GOLGA4: variants seen among roughly 807,000 people sequenced by gnomAD.
The protein encoded by GOLGA4 is golgin A4.
In GOLGA4, 169 loss-of-function variants were observed where a neutral mutation model predicts 265.9. The ratio of observed to expected loss-of-function variants is 0.64; its 90% CI spans 0.56 to 0.72. The LOEUF (loss-of-function observed/expected upper bound fraction) is 0.72. Ranked by LOEUF, GOLGA4 falls within the 30% of genes least tolerant of loss-of-function variation. GOLGA4 has a pLI of 0.00. For missense variants in GOLGA4, 2,482 were observed against 2,483.4 expected (o/e 1.00, Z 0.01); for synonymous variants, 923 against 855.8 (o/e 1.08, Z -1.37).
intron 2 of GOLGA4, among the ~76,000 whole-genome samples, chr3:37,262,231 C>T (rs926844367): frequency 5.9e-5 from 9 of 152,222 alleles, no homozygotes; most frequent in Non-Finnish European, 7.4e-5. Context: ...ATTGGCCGGG[C>T]GTGGTGGCTC....
intron 2 of GOLGA4, chr3:37,276,199 A>C (rs2096817966): frequency 6.3e-7 from 1 of 1,582,274 alleles, no homozygotes; most frequent in Admixed American, 1.8e-5. Context: ...AAGAATTAGG[A>C]TCTCAAATTG....
chr3:37,357,043 G>A (rs1045339659), intron 22 of GOLGA4, among the ~76,000 whole-genome samples: 1 of 151,896 alleles, frequency 6.6e-6, no homozygotes, highest in African/African-American at 2.4e-5. Flanking sequence ...TGTAGGTAGT[G>A]AATCGATAAA....
chr3:37,328,443 G>A lies in GOLGA4; in HGVS notation c.5967G>A (p.Lys1989=). ...IKQEQEDLEL[K]HNSTLKQLMR... The stretch of plus-strand genomic sequence containing the variant: ...AGGAGCAGGAAGATCTTGAACTGAA[G>A]CACAATTCCACATTAAAACAGCTGA... Residue 1989 remains lysine, a synonymous_variant, in exon 15 of 24, where the codon AAG becomes AAA. Coordinates refer to ENST00000361924, the MANE Select transcript of GOLGA4 (RefSeq NM_002078.5). 4 of 1,613,014 alleles carry A rather than the reference G, an allele frequency of 2.5e-6. No homozygotes were observed. The highest frequency in any genetic ancestry group is 3.4e-6 in the Non-Finnish European group (4 of 1,179,206).
At position 37,299,325 on chromosome 3, in the gene GOLGA4, A is replaced by G; in HGVS notation, c.1040A>G (p.Gln347Arg). The G allele has an allele frequency of 6.2e-7, 1 of 1,613,394 alleles. No homozygotes were observed. The highest frequency in any genetic ancestry group is 8.5e-7 in the Non-Finnish European group (1 of 1,179,368). Reference protein sequence around the residue: ...HMAEKTKLITQLRDAKNLIEQ... With the variant: ...HMAEKTKLITRLRDAKNLIEQ... Reference sequence around the variant, plus strand: ...GCCGAGAAGACTAAACTTATCACTCAGTTGCGTGATGCAAAGAACTTAATT... The same window carrying G: ...GCCGAGAAGACTAAACTTATCACTCGGTTGCGTGATGCAAAGAACTTAATT... Residue 347 changes from glutamine to arginine, a missense_variant, in exon 9 of 24, where the codon CAG becomes CGG. By Grantham distance (43) the Gln-to-Arg change is conservative (BLOSUM62 1). This residue lies in a region of GOLGA4 where 1,536 missense variants were observed against 1,483.7 expected (regional missense o/e 1.04). Transcript: ENST00000361924.
At chr3:37,258,534 G>A (rs1490621990) in intron 2 of GOLGA4, among the ~76,000 whole-genome samples, 1 of 152,016 alleles carries the variant, frequency 6.6e-6, no homozygotes, top group East Asian at 1.9e-4. Flanking sequence ...CACCATGTTG[G>A]CCACGCTGGC....
At chr3:37,271,971 T>C (rs1291518120) in intron 2 of GOLGA4, among the ~76,000 whole-genome samples, 1 of 152,152 alleles carries the variant, frequency 6.6e-6, no homozygotes, top group African/African-American at 2.4e-5. Context: ...GGTTGCATGC[T>C]CCTTATGAGA....
chr3:37,275,684 G>A, intron 2 of GOLGA4: 1 of 1,611,884 alleles, frequency 6.2e-7, no homozygotes, highest in Non-Finnish European at 8.5e-7. Context: ...GAGAAGACCT[G>A]CCGGAGCCAT....
At chr3:37,317,850 C>T (rs2096942318) in intron 11 of GOLGA4, among the ~76,000 whole-genome samples, 1 of 151,988 alleles carries the variant, frequency 6.6e-6, no homozygotes, top group South Asian at 2.1e-4. Context: ...CACATACGTC[C>T]TTTTAGCCAA....
chr3:37,299,178 C>A (rs1361203256), intron 8 of GOLGA4, 110 bp from the exon 9 acceptor site: 2 of 929,370 alleles, frequency 2.2e-6, no homozygotes, highest in East Asian at 2.6e-5. Context: ...TTACTGTGTA[C>A]TTTTTTCCTT....
chr3:37,316,100 T>G (rs1208358132), intron 11 of GOLGA4, among the ~76,000 whole-genome samples: 1 of 152,234 alleles, frequency 6.6e-6, no homozygotes, highest in Non-Finnish European at 1.5e-5. Context: ...TTAATGAATT[T>G]TTAAAATCCC....
intron 2 of GOLGA4, among the ~76,000 whole-genome samples, chr3:37,272,830 C>T (rs1038633863): frequency 1.3e-5 from 2 of 151,866 alleles, no homozygotes; most frequent in Non-Finnish European, 2.9e-5. Context: ...TTCTATAGTT[C>T]TAACTAATTT....
chr3:37,247,157 C>T (rs923217924), intron 1 of GOLGA4, among the ~76,000 whole-genome samples: 11 of 152,188 alleles, frequency 7.2e-5, no homozygotes, highest in Non-Finnish European at 1.5e-4. Context: ...GAAGAATTAA[C>T]CCCAAGTTAC....
At chr3:37,351,787 T>C (rs1448798179) in intron 21 of GOLGA4, among the ~76,000 whole-genome samples, 1 of 152,106 alleles carries the variant, frequency 6.6e-6, no homozygotes, top group Non-Finnish European at 1.5e-5. Context: ...AAAACCATGC[T>C]GTTAACAGGT....
chr3:37,321,950 C>T, intron 13 of GOLGA4, 64 bp downstream of exon 13: 2 of 1,326,308 alleles, frequency 1.5e-6, no homozygotes, highest in Non-Finnish European at 2.1e-6. Flanking sequence ...AATTTGTTGT[C>T]TCTAGTCAGT....
chr3:37,268,133 A>G (rs977937807), intron 2 of GOLGA4, among the ~76,000 whole-genome samples: 1 of 152,080 alleles, frequency 6.6e-6, no homozygotes, highest in Non-Finnish European at 1.5e-5. Context: ...TCAGGCTGGA[A>G]TGCAGTGGTA....
At chr3:37,335,551 A>G (rs1353999417) in intron 17 of GOLGA4, among the ~76,000 whole-genome samples, 3 of 152,210 alleles carry the variant, frequency 2.0e-5, no homozygotes, top group African/African-American at 7.2e-5. Flanking sequence ...TTTTTGTGCT[A>G]AAAATTCACG....
At chr3:37,317,871 C>T (rs1006029792) in intron 11 of GOLGA4, among the ~76,000 whole-genome samples, 3 of 151,798 alleles carry the variant, frequency 2.0e-5, no homozygotes, top group African/African-American at 7.3e-5. Flanking sequence ...ATAATTTTCT[C>T]AGTTTGTTAT....
intron 23 of GOLGA4, among the ~76,000 whole-genome samples, chr3:37,361,874 G>C (rs1053694144): frequency 6.6e-6 from 1 of 152,222 alleles, no homozygotes. Context: ...TTAATTGAAT[G>C]TGATTCTTCC....
intron 16 of GOLGA4, among the ~76,000 whole-genome samples, chr3:37,331,676 A>G (rs1335421522): frequency 2.6e-5 from 4 of 152,164 alleles, no homozygotes; most frequent in Admixed American, 6.5e-5. Context: ...TTTGTCACCT[A>G]TTAAAATAAT....
Sources: gnomAD v4.1 joint callset for allele counts (sites outside exome capture counted in the v4.1 genomes callset) on GRCh38, gnomAD v4.1.1 for gene constraint, gnomAD v4.1.1 regional missense constraint, MANE v1.5 for transcripts, NCBI Gene and HGNC (gene_info 2026-07-23, HGNC 2026-07-21) for gene names.